LPP: variants seen among roughly 807,000 people sequenced by gnomAD.
LPP encodes the protein lipoma-preferred partner.
LPP carries 38 observed loss-of-function variants against 60.4 expected under a neutral mutation model. The ratio of observed to expected loss-of-function variants is 0.63; its 90% confidence interval spans 0.49 to 0.83. LPP has a LOEUF of 0.83. LPP is among the 40% of genes least tolerant of loss of function. The probability of loss-of-function intolerance (pLI) is 0.00; values close to 1 mark genes in which losing one functional copy is unlikely to be tolerated. For synonymous variants in LPP, 328 were observed against 290.8 expected (o/e 1.13, Z -1.30); for missense variants, 902 against 783.6 (o/e 1.15, Z -1.80).
At chr3:188,639,036 A>G (rs1428582005) in intron 7 of LPP, among the ~76,000 whole-genome samples, 7 of 150,710 alleles carry the variant, frequency 4.6e-5, no homozygotes, top group African/African-American at 1.7e-4. Flanking sequence ...ATATGGAACC[A>G]AAAAAGAGCC....
chr3:188,397,247 G>A (rs1199630841), intron 3 of LPP, among the ~76,000 whole-genome samples: 1 of 152,134 alleles, frequency 6.6e-6, no homozygotes, highest in Non-Finnish European at 1.5e-5. Flanking sequence ...ATATGTTCTA[G>A]CTGCTCTATT....
intron 1 of LPP, among the ~76,000 whole-genome samples, chr3:188,163,202 T>C (rs1718842346): frequency 6.6e-6 from 1 of 152,176 alleles, no homozygotes; most frequent in Non-Finnish European, 1.5e-5. Flanking sequence ...CTTTGCATCA[T>C]AGCTGGAGAT....
chr3:188,482,710 T>A (rs1288850732), intron 4 of LPP, among the ~76,000 whole-genome samples: 1 of 152,236 alleles, frequency 6.6e-6, no homozygotes, highest in Non-Finnish European at 1.5e-5. Context: ...CATACAGATT[T>A]ATGGGATTTA....
intron 7 of LPP, among the ~76,000 whole-genome samples, chr3:188,623,032 A>G (rs937991434): frequency 9.2e-6 from 1 of 108,506 alleles, no homozygotes; most frequent in African/African-American, 3.5e-5. Context: ...CATCTTAAAA[A>G]AAAAAAAAAA....
intron 9 of LPP, among the ~76,000 whole-genome samples, chr3:188,850,211 G>A (rs527522177): frequency 6.6e-6 from 1 of 152,282 alleles, no homozygotes; most frequent in South Asian, 2.1e-4. Flanking sequence ...GGTCACTTAG[G>A]CAGGTATTGT....
At chr3:188,423,352 G>C (rs779514078) in intron 4 of LPP, among the ~76,000 whole-genome samples, 4 of 152,208 alleles carry the variant, frequency 2.6e-5, no homozygotes, top group South Asian at 2.1e-4. Flanking sequence ...TCATTGTTGG[G>C]CATTTGGATT....
chr3:188,322,402 CA>C (rs1461150411), intron 2 of LPP, among the ~76,000 whole-genome samples: 1 of 152,104 alleles, frequency 6.6e-6, no homozygotes, highest in Non-Finnish European at 1.5e-5. Context: ...GTCATTTTCT[CA>C]GAGCCCTGAG....
At chr3:188,203,565 A>T (rs1261544462) in intron 1 of LPP, among the ~76,000 whole-genome samples, 2 of 99,232 alleles carry the variant, frequency 2.0e-5, no homozygotes, top group African/African-American at 8.1e-5. Context: ...AAATATATAT[A>T]AATATATATT....
At chr3:188,311,637 TTTTTTTTTTCTG>T (rs939664208) in intron 2 of LPP, among the ~76,000 whole-genome samples, 1 of 36,348 alleles carries the variant, frequency 2.8e-5, no homozygotes, top group Non-Finnish European at 3.9e-5. Context: ...CCAACATTTC[TTTTTTTTTTCTG>T]TTTTTTTTCT....
intron 4 of LPP, among the ~76,000 whole-genome samples, chr3:188,407,791 T>TTTTTTTTTTTTTTTTTTTTTG (rs1783984681): frequency 8.8e-5 from 3 of 34,136 alleles, no homozygotes; most frequent in Non-Finnish European, 1.2e-4. Context: ...TTTGTTTGTT[T>TTTTTTTTTTTTTTTTTTTTTG]TTTTTTTTTT....
chr3:188,325,495 C>A (rs548889075), intron 2 of LPP, among the ~76,000 whole-genome samples: 12 of 152,144 alleles, frequency 7.9e-5, no homozygotes, highest in South Asian at 2.1e-4. Context: ...ACACATACCC[C>A]CCTCCCCATC....
chr3:188,520,332 G>A (rs1818527418), intron 5 of LPP, among the ~76,000 whole-genome samples: 1 of 152,182 alleles, frequency 6.6e-6, no homozygotes, highest in Admixed American at 6.5e-5. Context: ...ACAGCGATCA[G>A]CTCTGCACAG....
At position 188,828,614 on chromosome 3, in the gene LPP, C is replaced by CAAAAAAA. The variant is rs71169022; in HGVS notation, c.1411-37566_1411-37560dup. Among the ~76,000 whole-genome samples, 15 of 31,336 alleles carry CAAAAAAA rather than the reference C, an allele frequency of 4.8e-4. 4 individuals are homozygous for CAAAAAAA. The highest frequency in any genetic ancestry group is 5.2e-4 in the Non-Finnish European group (10 of 19,232). 20.6% of individuals were successfully genotyped at this position (31,336 alleles called of 152,430 possible). A position where few individuals can be genotyped will look rare whatever the true frequency, so the allele number is the denominator to read the frequency against. ...TGGCAACAAGAGCGAAACTCTGTCT[C>CAAAAAAA]AAAAAAAAAAAAAAAAAAAAAAAAA... On this transcript the variant is annotated intron_variant, in intron 9 of 11. Transcript: ENST00000617246.
In LPP at chr3:188,886,737, TACAC is replaced by T. The variant is rs755287902; in HGVS notation, c.*12283_*12286del. 2,194 of 190,114 alleles carry T rather than the reference TACAC, an allele frequency of 0.012. 37 individuals are homozygous for T. Among genetic ancestry groups the T allele is most frequent in the African/African-American group, 0.044 (1,570 of 35,684 alleles). 11.8% of individuals were successfully genotyped at this position (190,114 alleles called of 1,614,324 possible). On this transcript the variant is annotated 3_prime_UTR_variant, in exon 12 of 12. Transcript: ENST00000617246. ...TCTTCAAAACACACACACACACACA[TACAC>T]ACACACACACACACACACACACACC...
At chr3:188,483,669 A>G (rs1488919210) in intron 4 of LPP, among the ~76,000 whole-genome samples, 1 of 152,126 alleles carries the variant, frequency 6.6e-6, no homozygotes, top group East Asian at 1.9e-4. Context: ...CACTCCCTCA[A>G]TAACTCTGAC....
At position 188,545,255 on chromosome 3, in the gene LPP, T is replaced by TAA. The variant is rs1181781219; in HGVS notation, c.429+20478_429+20479dup. Among the ~76,000 whole-genome samples the TAA allele has an allele frequency of 1.2e-4, 10 of 84,148 alleles. 1 individual carries two copies. The Admixed American group carries it at 1.3e-3, about 11-fold the overall frequency. 55.2% of individuals were successfully genotyped at this position (84,148 alleles called of 152,430 possible). ...TGTACCCTAAAACTTAAAGTATAAT[T>TAA]AAAAAAAAAAACATTAAAAAAAAAA... On this transcript the variant is annotated intron_variant, in intron 6 of 11. Coordinates refer to ENST00000617246, the MANE Select transcript of LPP (RefSeq NM_001375462.1).
chr3:188,543,788 G>T (rs916708316), intron 6 of LPP, among the ~76,000 whole-genome samples: 1 of 152,140 alleles, frequency 6.6e-6, no homozygotes, highest in Middle Eastern at 3.2e-3. Context: ...AAGTGACTAG[G>T]ATTAGCCCAC....
At chr3:188,821,675 T>C (rs953590555) in intron 9 of LPP, among the ~76,000 whole-genome samples, 6 of 152,132 alleles carry the variant, frequency 3.9e-5, no homozygotes, top group African/African-American at 7.2e-5. Context: ...TATATATATA[T>C]GGCATACATG....
At chr3:188,690,070 ACT>A (rs1233626818) in intron 7 of LPP, among the ~76,000 whole-genome samples, 1 of 152,108 alleles carries the variant, frequency 6.6e-6, no homozygotes, top group African/African-American at 2.4e-5. Context: ...CATGTGACAA[ACT>A]CTGAAAGATG....
Sources: allele counts gnomAD v4.1 joint callset (sites outside exome capture counted in the v4.1 genomes callset), GRCh38; gene constraint gnomAD v4.1.1; transcripts MANE v1.5; gene names NCBI Gene and HGNC (gene_info 2026-07-23, HGNC 2026-07-21).